The following PPM1L variants were observed in gnomAD, a reference collection of about 807,000 sequenced individuals.
PPM1L encodes protein phosphatase 1L.
PPM1L carries 13 observed loss-of-function variants against 31.4 expected under a neutral mutation model. The observed-to-expected ratio is 0.41, with a 90% CI of 0.27 to 0.66. The LOEUF is 0.66. Among genes scored for constraint, PPM1L ranks in the 30% least tolerant of loss-of-function variants. PPM1L has a pLI of 0.29. For missense variants in PPM1L, 326 were observed against 453.7 expected (o/e 0.72, Z 2.56); for synonymous variants, 184 against 175.4 (o/e 1.05, Z -0.39).
At chr3:160,827,190 A>G (rs1713377374) in intron 1 of PPM1L, among the ~76,000 whole-genome samples, 1 of 152,034 alleles carries the variant, frequency 6.6e-6, no homozygotes, top group East Asian at 1.9e-4. Flanking sequence ...CCAGAGACTA[A>G]TGTTGCTGAG....
chr3:160,898,024 A>G (rs1331671418), intron 1 of PPM1L, among the ~76,000 whole-genome samples: 2 of 152,212 alleles, frequency 1.3e-5, no homozygotes, highest in East Asian at 3.9e-4. Flanking sequence ...TTGAGAAACT[A>G]AATGAAAGAT....
At chr3:160,977,856 G>T (rs1716650920) in intron 2 of PPM1L, among the ~76,000 whole-genome samples, 1 of 152,104 alleles carries the variant, frequency 6.6e-6, no homozygotes, top group African/African-American at 2.4e-5. Context: ...TGTTTTAATA[G>T]ATAAAATAAA....
chr3:160,762,763 A>G (rs1211118619), intron 1 of PPM1L, among the ~76,000 whole-genome samples: 1 of 152,180 alleles, frequency 6.6e-6, no homozygotes, highest in African/African-American at 2.4e-5. Context: ...TGGAAATGGT[A>G]CAGAGGAAAT....
chr3:160,888,051 A>C (rs1712985817), intron 1 of PPM1L, among the ~76,000 whole-genome samples: 1 of 152,226 alleles, frequency 6.6e-6, no homozygotes, highest in South Asian at 2.1e-4. Context: ...TACGAAAAGG[A>C]AAAACTGTTA....
At chr3:160,999,532 A>T (rs574081051) in intron 2 of PPM1L, among the ~76,000 whole-genome samples, 2 of 152,302 alleles carry the variant, frequency 1.3e-5, no homozygotes, top group Admixed American at 1.3e-4. Context: ...TTTTCTTTCC[A>T]GCATTCTTAC....
At chr3:160,974,371 G>T (rs1716483293) in intron 2 of PPM1L, among the ~76,000 whole-genome samples, 1 of 152,044 alleles carries the variant, frequency 6.6e-6, no homozygotes, top group African/African-American at 2.4e-5. Flanking sequence ...ATTTATAGTT[G>T]TGTGGGTGTA....
chr3:161,031,502 C>CTTTTTTTTTTTTTT lies in PPM1L; in HGVS notation c.575-33898_575-33885dup, dbSNP rs760907219. Among the ~76,000 whole-genome samples, 650 of 101,572 alleles carry CTTTTTTTTTTTTTT rather than the reference C, an allele frequency of 6.4e-3. 63 individuals are homozygous for CTTTTTTTTTTTTTT. Among genetic ancestry groups the CTTTTTTTTTTTTTT allele is most frequent in the African/African-American group, 8.5e-3 (195 of 22,828 alleles). 66.6% of individuals were successfully genotyped at this position (101,572 alleles called of 152,430 possible). A position where few individuals can be genotyped will look rare whatever the true frequency, so the allele number is the denominator to read the frequency against. On this transcript the variant is annotated intron_variant, in intron 2 of 3. Coordinates refer to ENST00000498165, the MANE Select transcript of PPM1L (RefSeq NM_139245.4). Reference sequence around the variant, plus strand: ...GTGAATGGCAGCTATGTATTCTGTCCTTTTTTTTTTTTTTTTGAGAGAGAG... The same window carrying CTTTTTTTTTTTTTT: ...GTGAATGGCAGCTATGTATTCTGTCCTTTTTTTTTTTTTTTTTTTTTTTTTTTTTTGAGAGAGAG...
chr3:160,888,347 C>T (rs899083105), intron 1 of PPM1L, among the ~76,000 whole-genome samples: 1 of 152,110 alleles, frequency 6.6e-6, no homozygotes, highest in Non-Finnish European at 1.5e-5. Flanking sequence ...ATTTAGCAAG[C>T]AAATGGAAAG....
intron 1 of PPM1L, among the ~76,000 whole-genome samples, chr3:160,907,917 C>A (rs987951378): frequency 6.6e-6 from 1 of 152,154 alleles, no homozygotes; most frequent in Non-Finnish European, 1.5e-5. Context: ...CTCTTGCCTC[C>A]CCTTGGCCAA....
rs1203961828 is a variant in PPM1L at position 161,076,301 on chromosome 3, G to A, written c.*7144G>A. 6.6e-6 allele frequency: 1 copy of A among 152,160 alleles called. No individual in the cohort carries two copies. The highest frequency in any genetic ancestry group is 2.4e-5 in the African/African-American group (1 of 41,440). The allele number at this position is 152,160 out of a possible 1,614,324, so 9.4% of individuals were successfully genotyped here. The stretch of plus-strand genomic sequence containing the variant: ...GTAGTAATGAAAACGTCTAAATCCT[G>A]CTCTGTGGAGAAAAGCTAGAACCAT... On this transcript the variant is annotated 3_prime_UTR_variant, in exon 4 of 4. Transcript: ENST00000498165.
intron 1 of PPM1L, among the ~76,000 whole-genome samples, chr3:160,835,429 AT>A (rs1487717731): frequency 2.6e-5 from 4 of 151,884 alleles, no homozygotes; most frequent in Non-Finnish European, 4.4e-5. Flanking sequence ...GAATAACTAA[AT>A]TTTTTTACTT....
At chr3:160,984,732 T>G (rs1156258333) in intron 2 of PPM1L, among the ~76,000 whole-genome samples, 2 of 152,218 alleles carry the variant, frequency 1.3e-5, no homozygotes, top group Admixed American at 6.5e-5. Flanking sequence ...TGTTTTGCAC[T>G]GCTTTTATTT....
chr3:160,803,089 G>A (rs1712483259), intron 1 of PPM1L, among the ~76,000 whole-genome samples: 1 of 152,206 alleles, frequency 6.6e-6, no homozygotes, highest in African/African-American at 2.4e-5. Context: ...GAATCCTAAG[G>A]TTAACTCACC....
intron 1 of PPM1L, among the ~76,000 whole-genome samples, chr3:160,840,626 A>G (rs992474269): frequency 6.6e-6 from 1 of 151,904 alleles, no homozygotes; most frequent in African/African-American, 2.4e-5. Context: ...AGACCTGACA[A>G]CCTGGGGATG....
intron 1 of PPM1L, among the ~76,000 whole-genome samples, chr3:160,907,189 T>C (rs1267801590): frequency 6.6e-6 from 1 of 152,196 alleles, no homozygotes; most frequent in African/African-American, 2.4e-5. Context: ...GCATGGAATA[T>C]GGAAGGCAGT....
rs1714886576 is a variant in PPM1L, at chr3:160,934,329, GAGA to G, written c.400-27403_400-27401del. Among the ~76,000 whole-genome samples the G allele has an allele frequency of 2.0e-5, 3 of 152,252 alleles. No individual in the cohort carries two copies. The South Asian group carries it at 6.2e-4, about 31-fold the overall frequency. On this transcript the variant is annotated intron_variant, in intron 1 of 3. Transcript: ENST00000498165. ...GTTAACATTTAAGTGATAAATTTAA[GAGA>G]AGATTACACATTCAGTGTTTGCTTG...
chr3:160,986,181 T>C (rs1462625215), intron 2 of PPM1L, among the ~76,000 whole-genome samples: 1 of 152,146 alleles, frequency 6.6e-6, no homozygotes, highest in Non-Finnish European at 1.5e-5. Flanking sequence ...TTTGAAGAAA[T>C]AGAGTGAGGT....
intron 1 of PPM1L, among the ~76,000 whole-genome samples, chr3:160,886,055 TGTCCCC>T: frequency 6.6e-6 from 1 of 152,202 alleles, no homozygotes; most frequent in Non-Finnish European, 1.5e-5. Context: ...TCCCAAAAGG[TGTCCCC>T]CACAGGCCAA....
chr3:160,791,621 A>C (rs1028995945), intron 1 of PPM1L, among the ~76,000 whole-genome samples: 1 of 152,184 alleles, frequency 6.6e-6, no homozygotes, highest in South Asian at 2.1e-4. Flanking sequence ...CCCTGTGCTT[A>C]TGAAATTTGC....
Sources: allele counts gnomAD v4.1 joint callset (sites outside exome capture counted in the v4.1 genomes callset), GRCh38; gene constraint gnomAD v4.1.1; transcripts MANE v1.5; gene names NCBI Gene and HGNC (gene_info 2026-07-23, HGNC 2026-07-21).